AQP10: variants seen among roughly 807,000 people sequenced by gnomAD.
AQP10 encodes aquaporin-10.
Under a neutral mutation model 21.0 loss-of-function variants are expected in AQP10, and 15 were observed. The observed-to-expected ratio is 0.71, with a 90% CI of 0.48 to 1.10. AQP10 has a LOEUF of 1.10. Among genes scored for constraint, AQP10 ranks in the 50% least tolerant of loss-of-function variants. The probability of loss-of-function intolerance (pLI) is 0.00; values close to 1 mark genes in which losing one functional copy is unlikely to be tolerated. For missense variants in AQP10, 268 were observed against 379.5 expected (o/e 0.71, Z 2.44); for synonymous variants, 143 against 155.7 (o/e 0.92, Z 0.61).
rs904588777 is a variant in AQP10 at position 154,323,281 on chromosome 1, T to A, written c.411T>A (p.Thr137=). The change falls in exon 4 of 6, where the codon ACT becomes ACA. Residue 137 remains threonine (T), a synonymous_variant. Coordinates refer to ENST00000324978, the MANE Select transcript of AQP10 (RefSeq NM_080429.3). The surrounding 1 kb of genome is among the most constrained non-coding windows in gnomAD (Gnocchi z 4.5). ...ATACAGGTGGGAACCTGACAGTGAC[T>A]GGCCCCAAGGAGACAGCCTCCATTT... is the stretch of plus-strand genomic sequence containing the variant. ...QNYTGGNLTV[T]GPKETASIFA... 6.2e-7 allele frequency: 1 copy of A among 1,614,204 alleles called. No homozygotes were observed. The highest frequency in any genetic ancestry group is 1.3e-5 in the African/African-American group (1 of 75,054).
Position 154,324,548 on chromosome 1 carries a change from C to A in AQP10, c.*68C>A. ...ACTGACCCCGCCTGGGAACAACAGT[C>A]ATTCTTCCTCTTTGTTAATGTGCCA... On this transcript the variant is annotated 3_prime_UTR_variant, in exon 6 of 6. Transcript: ENST00000324978. 1.3e-6 allele frequency: 2 copies of A among 1,489,174 alleles called. No individual in the cohort carries two copies. Among genetic ancestry groups the A allele is most frequent in the South Asian group, 2.5e-5 (2 of 80,750 alleles). 92.2% of individuals were successfully genotyped at this position (1,489,174 alleles called of 1,614,324 possible). A position where few individuals can be genotyped will look rare whatever the true frequency, so the allele number is the denominator to read the frequency against.
In AQP10 at chr1:154,323,237, A is replaced by T. The variant is rs182344148; in HGVS notation, c.371-4A>T. 3 of 1,614,062 alleles carry T rather than the reference A, an allele frequency of 1.9e-6. No homozygotes were observed. Among genetic ancestry groups the T allele is most frequent in the East Asian group, 2.2e-5 (1 of 44,874 alleles). On this transcript the variant is annotated splice_region_variant and splice_polypyrimidine_tract_variant and intron_variant, in intron 3 of 5. Coordinates refer to ENST00000324978, the MANE Select transcript of AQP10 (RefSeq NM_080429.3). This position sits in a 1 kb window ranked among gnomAD's most constrained non-coding sequence, Gnocchi z 4.5. ...GAAATCCTGGGTGTTCCCTTCCTCC[A>T]CAGATGCCCTACAGAACTATACAGG...
Position 154,323,738 on chromosome 1 carries a change from C to T in AQP10, c.639C>T (p.Leu213=), listed in dbSNP as rs767755990. 2 of 1,614,194 alleles carry T rather than the reference C, an allele frequency of 1.2e-6. No homozygotes were observed. Among genetic ancestry groups the T allele is most frequent in the Admixed American group, 1.7e-5 (1 of 60,030 alleles). ...LSMGANCGIP[L]NPARDLGPRL... is the part of the protein sequence containing the mutation. ...TGGGTGCCAACTGCGGGATTCCACT[C>T]AACCCTGCCCGGGACCTGGGCCCAC... The change falls in exon 5 of 6, where the codon CTC becomes CTT. Residue 213 remains leucine, a synonymous_variant. Transcript: ENST00000324978. This position sits in a 1 kb window ranked among gnomAD's most constrained non-coding sequence, Gnocchi z 4.5.
chr1:154,321,211 T>C lies in AQP10; in HGVS notation c.56T>C (p.Leu19Pro). ...ATGGGCCACCTCCGGATACGCAGCC[T>C]CCTGGCCCGGCAGTGCCTGGCAGAG... The part of the protein sequence containing the change: ...EIMGHLRIRS[L>P]LARQCLAEFL... The change falls in exon 1 of 6, where the codon CTC becomes CCC. Residue 19 changes from leucine (L) to proline (P), a missense_variant. Physicochemically the swap from Leu to Pro is moderately conservative, Grantham distance 98. Around this residue, in one of 3 missense-constraint regions of AQP10, gnomAD observed 33 missense variants for 47.1 expected, o/e 0.70. Transcript: ENST00000324978. 6.2e-7 allele frequency: 1 copy of C among 1,613,828 alleles called. No homozygotes were observed. Among genetic ancestry groups the C allele is most frequent in the African/African-American group, 1.3e-5 (1 of 75,020 alleles).
At chr1:154,322,489 C>CTTTTTTTTTTTTTTTTTTTTTTTTT (rs5777905) in intron 2 of AQP10, among the ~76,000 whole-genome samples, 2 of 117,838 alleles carry the variant, frequency 1.7e-5, no homozygotes, top group Non-Finnish European at 1.7e-5. Flanking sequence ...GTGTCTTCTT[C>CTTTTTTTTTTTTTTTTTTTTTTTTT]TTTTTTTTTT....
At position 154,324,699 on chromosome 1, in the gene AQP10, G is replaced by A. The variant is rs912838965; in HGVS notation, c.*219G>A. ...CTCAGGCTTCTCATCCCCTCCTCCC[G>A]CAAAGCGGTTTTCTGACCCTCAGGG... On this transcript the variant is annotated 3_prime_UTR_variant, in exon 6 of 6. Transcript: ENST00000324978. 4.3e-5 allele frequency: 21 copies of A among 488,996 alleles called. No individual in the cohort carries two copies. The highest frequency in any genetic ancestry group is 7.4e-5 in the Non-Finnish European group (21 of 282,350). 30.3% of individuals were successfully genotyped at this position (488,996 alleles called of 1,614,324 possible).
intron 2 of AQP10, among the ~76,000 whole-genome samples, chr1:154,322,489 C>CTTCTTCTTCTTTTTTTTTTT (rs376265152): frequency 8.5e-5 from 10 of 117,838 alleles, no homozygotes; most frequent in Non-Finnish European, 1.0e-4. Flanking sequence ...GTGTCTTCTT[C>CTTCTTCTTCTTTTTTTTTTT]TTTTTTTTTT....
Position 154,323,684 on chromosome 1 carries a change from G to C in AQP10, c.585G>C (p.Gly195=). The part of the protein sequence containing the change: ...VPAGLEPVVV[G]MLILALGLSM... The stretch of plus-strand genomic sequence containing the variant: ...CGGGTCTGGAGCCTGTGGTGGTGGG[G>C]ATGCTGATCCTGGCCCTCGGGTTAT... The change falls in exon 5 of 6, where the codon GGG becomes GGC. Residue 195 remains glycine, a synonymous_variant. Coordinates refer to ENST00000324978, the MANE Select transcript of AQP10 (RefSeq NM_080429.3). This position sits in a 1 kb window ranked among gnomAD's most constrained non-coding sequence, Gnocchi z 4.5. 6.2e-7 allele frequency: 1 copy of C among 1,614,202 alleles called. No homozygotes were observed. Among genetic ancestry groups the C allele is most frequent in the Non-Finnish European group, 8.5e-7 (1 of 1,180,030 alleles).
intron 2 of AQP10, among the ~76,000 whole-genome samples, chr1:154,322,599 C>T (rs1319633282): frequency 3.3e-5 from 5 of 149,560 alleles, no homozygotes; most frequent in Non-Finnish European, 5.9e-5. Context: ...CCTGGGTTCA[C>T]GCGATTCTCC....
In AQP10 at chr1:154,323,636, C is replaced by T; in HGVS notation, c.537C>T (p.Asp179=). The change falls in exon 5 of 6, where the codon GAC becomes GAT. Residue 179 remains aspartate, a synonymous_variant. Transcript: ENST00000324978. This position sits in a 1 kb window ranked among gnomAD's most constrained non-coding sequence, Gnocchi z 4.5. ...TTGTGGGGCTCTTGGCCATCCTGGA[C>T]AGACGGAACAAGGGAGTCCCTGCGG... is the stretch of plus-strand genomic sequence containing the variant. ...MLIVGLLAIL[D]RRNKGVPAGL... is the part of the protein sequence containing the mutation. The T allele has an allele frequency of 6.2e-7, 1 of 1,614,190 alleles. No individual in the cohort carries two copies. Among genetic ancestry groups the T allele is most frequent in the Non-Finnish European group, 8.5e-7 (1 of 1,180,022 alleles).
intron 2 of AQP10, among the ~76,000 whole-genome samples, chr1:154,322,480 T>C (rs1297585250): frequency 1.0e-5 from 1 of 100,460 alleles, no homozygotes; most frequent in Non-Finnish European, 1.9e-5. Flanking sequence ...GGATTCACAG[T>C]GTCTTCTTCT....
In AQP10 at chr1:154,324,409, G is replaced by C; in HGVS notation, c.835G>C (p.Val279Leu). ...GGGCCCAGAGCCAGCTCAGGATCTG[G>C]TGTCTGCTCAACACAAAGCCTCAGA... ...PEGPEPAQDL[V>L]SAQHKASELE... Residue 279 changes from valine (V) to leucine (L), a missense_variant, in exon 6 of 6, where the codon GTG becomes CTG. Val to Leu is a conservative substitution (Grantham distance 32, BLOSUM62 1). Transcript: ENST00000324978. 1 of 1,613,740 alleles carries C rather than the reference G, an allele frequency of 6.2e-7. No homozygotes were observed. Among genetic ancestry groups the C allele is most frequent in the African/African-American group, 1.3e-5 (1 of 75,048 alleles).
intron 2 of AQP10, 121 bp downstream of exon 2, chr1:154,322,180 T>C (rs1194607): frequency 0.55 from 790,979 of 1,446,564 alleles, 220,875 homozygotes; most frequent in African/African-American, 0.83. Context: ...TTGAACAGTG[T>C]CCCAGACTGA....
intron 1 of AQP10, among the ~76,000 whole-genome samples, chr1:154,321,588 G>T (rs1685642005): frequency 6.6e-6 from 1 of 152,116 alleles, no homozygotes; most frequent in African/African-American, 2.4e-5. Flanking sequence ...TGTATAAAGT[G>T]CAGCAAGAAT....
rs185303215 is a variant in AQP10 at position 154,321,270 on chromosome 1, A to G, written c.105+10A>G. Reference sequence around the variant, plus strand: ...TGTGTTTGTACTCATGGTAGGTAGGATCACTGCGGGAAGGAAAGAAGGGGG... The same window carrying G: ...TGTGTTTGTACTCATGGTAGGTAGGGTCACTGCGGGAAGGAAAGAAGGGGG... On this transcript the variant is annotated intron_variant, in intron 1 of 5. Transcript: ENST00000324978. 9.3e-3 allele frequency: 14,882 copies of G among 1,607,486 alleles called. 192 individuals carry two copies. The highest frequency in any genetic ancestry group is 9.8e-3 in the Non-Finnish European group (11,541 of 1,176,642).
intron 5 of AQP10, 54 bp from the exon 6 acceptor site, chr1:154,324,228 G>T (rs566623705): frequency 6.8e-7 from 1 of 1,472,374 alleles, no homozygotes; most frequent in Admixed American, 2.3e-5. Flanking sequence ...TCCTTGGAGA[G>T]GGGAAGGCTA....
chr1:154,323,970 CCAA>C lies in AQP10; in HGVS notation c.707+166_707+168del. The C allele has an allele frequency of 6.9e-7, 1 of 1,456,442 alleles. No individual in the cohort carries two copies. The highest frequency in any genetic ancestry group is 9.1e-7 in the Non-Finnish European group (1 of 1,103,100). The allele number at this position is 1,456,442 out of a possible 1,614,324, so 90.2% of individuals were successfully genotyped here. On this transcript the variant is annotated intron_variant, in intron 5 of 5. Coordinates refer to ENST00000324978, the MANE Select transcript of AQP10 (RefSeq NM_080429.3). This position sits in a 1 kb window ranked among gnomAD's most constrained non-coding sequence, Gnocchi z 4.5. The stretch of plus-strand genomic sequence containing the variant: ...TCCCCCTTTCTCCCTTGCTTCCCTC[CCAA>C]CTTTTCACTGAAACAGTAAGATTTA...
At position 154,324,312 on chromosome 1, in the gene AQP10, G is replaced by C. The variant is rs1227328118; in HGVS notation, c.738G>C (p.Val246=). ...SAGNGWWWVP[V]VAPLVGATVG... ...GTAATGGCTGGTGGTGGGTGCCTGTGGTGGCCCCTCTGGTGGGGGCCACCG... is the reference window on the plus strand; with the variant it reads ...GTAATGGCTGGTGGTGGGTGCCTGTCGTGGCCCCTCTGGTGGGGGCCACCG... The change falls in exon 6 of 6, where the codon GTG becomes GTC. Residue 246 remains valine, a synonymous_variant. Transcript: ENST00000324978. 1 of 1,569,746 alleles carries C rather than the reference G, an allele frequency of 6.4e-7. No homozygotes were observed. The highest frequency in any genetic ancestry group is 1.4e-5 in the African/African-American group (1 of 72,754).
rs536046256 is a variant in AQP10, at chr1:154,323,562, G to C, written c.490-27G>C. On this transcript the variant is annotated intron_variant, in intron 4 of 5. Transcript: ENST00000324978. This position sits in a 1 kb window ranked among gnomAD's most constrained non-coding sequence, Gnocchi z 4.5. ...GATGGAGCACCTGGCAGCTGACAGG[G>C]AACCCTCTGCCTCTGTTGACTCCAA... 4.4e-6 allele frequency: 7 copies of C among 1,602,266 alleles called. No homozygotes were observed. The Admixed American group carries it at 8.4e-5, about 19-fold the overall frequency.
Sources: allele counts gnomAD v4.1 joint callset (sites outside exome capture counted in the v4.1 genomes callset), GRCh38; gene constraint gnomAD v4.1.1; regional missense constraint gnomAD v4.1.1; non-coding constraint Gnocchi (gnomAD v3.1); transcripts MANE v1.5; gene names NCBI Gene and HGNC (gene_info 2026-07-23, HGNC 2026-07-21).